The following DGKH variants were observed in gnomAD, a reference collection of about 807,000 sequenced individuals.
DGKH encodes the protein DAG kinase eta.
In DGKH, 90 loss-of-function variants were observed where a neutral mutation model predicts 159.3. The observed-to-expected ratio is 0.57, with a 90% confidence interval of 0.48 to 0.67. The LOEUF is 0.67. DGKH is among the 30% of genes least tolerant of loss of function. The probability of loss-of-function intolerance (pLI) is 0.00; values close to 1 mark genes in which losing one functional copy is unlikely to be tolerated. For missense variants in DGKH, 1,181 were observed against 1,506.1 expected, an observed-to-expected ratio of 0.78 and a Z score of 3.57; for synonymous variants, 536 against 553.8, an observed-to-expected ratio of 0.97 and a Z score of 0.45.
At chr13:42,222,387 A>C (rs1958000748) in intron 29 of DGKH, among the ~76,000 whole-genome samples, 1 of 152,226 alleles carries the variant, frequency 6.6e-6, no homozygotes, top group African/African-American at 2.4e-5. Flanking sequence ...TTGGTAGTAT[A>C]AAGATCTTTA....
rs144627941 is a variant in DGKH, at chr13:42,221,272, T to C, written c.3451T>C (p.Trp1151Arg). The change falls in exon 29 of 30, where the codon TGG (tryptophan) becomes CGG (arginine). Residue 1151 changes from tryptophan (W) to arginine (R), a missense_variant. Physicochemically the swap from Trp to Arg is moderately radical, Grantham distance 101. This residue lies in a region of DGKH where 335 missense variants were observed against 495.2 expected (regional missense o/e 0.68). Transcript: ENST00000337343. Reference sequence around the variant, plus strand: ...GCTCTTAACTTTGGTAGTTCAGAAATGGGGCACAGAGGAAGTTGCTGCTTG... The same window carrying C: ...GCTCTTAACTTTGGTAGTTCAGAAACGGGGCACAGAGGAAGTTGCTGCTTG... ...QKTSSQPVQKWGTEEVAAWLD... is the reference protein window; with the variant it reads ...QKTSSQPVQKRGTEEVAAWLD... 369 of 1,613,334 alleles carry C rather than the reference T, an allele frequency of 2.3e-4. 2 individuals are homozygous for C. Among genetic ancestry groups the C allele is most frequent in the Admixed American group, 4.8e-4 (29 of 59,966 alleles).
chr13:42,254,879 T>C (rs1461521429), intron 30 of DGKH, among the ~76,000 whole-genome samples: 5 of 152,164 alleles, frequency 3.3e-5, no homozygotes. Context: ...TTGCCATCTT[T>C]ATGCATTTCT....
At chr13:42,042,289 T>A (rs749256238) in intron 1 of DGKH, among the ~76,000 whole-genome samples, 2 of 152,280 alleles carry the variant, frequency 1.3e-5, no homozygotes, top group Non-Finnish European at 2.9e-5. Context: ...CTGCATACTT[T>A]AAGCCAACAC....
intron 29 of DGKH, among the ~76,000 whole-genome samples, chr13:42,251,230 C>G (rs540029182): frequency 2.0e-5 from 3 of 152,238 alleles, no homozygotes; most frequent in Admixed American, 1.3e-4. Context: ...AATCTCAACA[C>G]TTCATGAGGC....
chr13:42,041,142 A>G (rs1353760333), intron 1 of DGKH, among the ~76,000 whole-genome samples: 2 of 152,120 alleles, frequency 1.3e-5, no homozygotes, highest in African/African-American at 2.4e-5. Context: ...TCCCCGAGGA[A>G]CCGCTGGCAA....
chr13:42,127,576 A>G lies in DGKH; in HGVS notation c.303+3A>G. 1 of 1,612,060 alleles carries G rather than the reference A, an allele frequency of 6.2e-7. No homozygotes were observed. The highest frequency in any genetic ancestry group is 1.1e-5 in the South Asian group (1 of 90,908). ...TTTACTATGCAAAGGACTCAAAGGT[A>G]ACTCACGAGAATACTAGTTTCAAGC... is the stretch of plus-strand genomic sequence containing the variant. On this transcript the variant is annotated splice_donor_region_variant and intron_variant, in intron 2 of 29. Coordinates refer to ENST00000337343, the MANE Select transcript of DGKH (RefSeq NM_178009.5).
At chr13:42,081,764 C>T (rs1954205488) in intron 1 of DGKH, among the ~76,000 whole-genome samples, 1 of 152,148 alleles carries the variant, frequency 6.6e-6, no homozygotes, top group Non-Finnish European at 1.5e-5. Flanking sequence ...GTTCATCTTG[C>T]TCTCTCTTTG....
chr13:42,119,817 C>T (rs1007849633), intron 1 of DGKH, among the ~76,000 whole-genome samples: 3 of 152,176 alleles, frequency 2.0e-5, no homozygotes, highest in Non-Finnish European at 4.4e-5. Context: ...ATTCCTTTCT[C>T]ATCAAGTTAA....
At chr13:42,070,918 A>G in intron 1 of DGKH, 1 of 1,266,578 alleles carries the variant, frequency 7.9e-7, no homozygotes, top group Admixed American at 1.7e-5. Context: ...AGCATGTTTG[A>G]CACTCTGGGG....
At chr13:42,135,116 A>AT (rs1262750276) in intron 3 of DGKH, among the ~76,000 whole-genome samples, 2 of 152,168 alleles carry the variant, frequency 1.3e-5, no homozygotes, top group Non-Finnish European at 2.9e-5. Context: ...CAATGAAAGT[A>AT]TTTTTTTGTG....
chr13:42,167,997 G>C (rs943880191), intron 9 of DGKH, among the ~76,000 whole-genome samples: 18 of 152,164 alleles, frequency 1.2e-4, no homozygotes, highest in African/African-American at 4.3e-4. Flanking sequence ...CCAGTTGGGA[G>C]TCCTGAGAGC....
intron 1 of DGKH, chr13:42,066,473 T>C (rs1185462137): frequency 6.6e-6 from 1 of 152,204 alleles, no homozygotes; most frequent in Non-Finnish European, 1.5e-5. Flanking sequence ...TATTTTCACA[T>C]AACAAAAAAC....
intron 26 of DGKH, among the ~76,000 whole-genome samples, chr13:42,217,088 T>C (rs953128035): frequency 6.6e-6 from 1 of 152,248 alleles, no homozygotes; most frequent in African/African-American, 2.4e-5. Flanking sequence ...ACCAAAACTT[T>C]TGACAATAGT....
At chr13:42,040,987 TC>T (rs1265949133) in intron 1 of DGKH, among the ~76,000 whole-genome samples, 1 of 148,912 alleles carries the variant, frequency 6.7e-6, no homozygotes, top group African/African-American at 2.5e-5. Flanking sequence ...TCTCCTTTGC[TC>T]CCCCCGCCCG....
downstream of DGKH, among the ~76,000 whole-genome samples, chr13:42,245,478 G>C (rs1958573654): frequency 6.6e-6 from 1 of 152,158 alleles, no homozygotes; most frequent in Non-Finnish European, 1.5e-5. Flanking sequence ...CATATGTAAA[G>C]GCAAAATATG....
chr13:42,255,286 T>C (rs1389658727), intron 30 of DGKH, among the ~76,000 whole-genome samples: 1 of 152,124 alleles, frequency 6.6e-6, no homozygotes, highest in Non-Finnish European at 1.5e-5. Flanking sequence ...TGGAGATTTT[T>C]TTTAATTGAA....
chr13:42,159,707 A>G lies in DGKH; in HGVS notation c.730-304A>G, dbSNP rs183218948. Reference sequence around the variant, plus strand: ...CTCTCAACAGTATACCTCCACTTTCAAAACCTCACCTCCACTGCACCATGC... The same window carrying G: ...CTCTCAACAGTATACCTCCACTTTCGAAACCTCACCTCCACTGCACCATGC... On this transcript the variant is annotated intron_variant, in intron 6 of 29. Coordinates refer to ENST00000337343, the MANE Select transcript of DGKH (RefSeq NM_178009.5). Among the ~76,000 whole-genome samples, 3 of 152,274 alleles carry G rather than the reference A, an allele frequency of 2.0e-5. No individual in the cohort carries two copies. In the East Asian group the frequency reaches 5.8e-4, roughly 29 times the overall value.
intron 21 of DGKH, among the ~76,000 whole-genome samples, chr13:42,207,125 CCT>C (rs1566192534): frequency 0.049 from 1,439 of 29,512 alleles, 146 homozygotes; most frequent in South Asian, 0.068. Flanking sequence ...CTTTCTCTCT[CCT>C]TCCTTCCTTC....
chr13:42,157,871 C>T (rs560839572), intron 5 of DGKH, among the ~76,000 whole-genome samples: 1 of 152,132 alleles, frequency 6.6e-6, no homozygotes, highest in Admixed American at 6.5e-5. Flanking sequence ...ATTCTTATGT[C>T]TCATAAGAAT....
Sources: allele counts gnomAD v4.1 joint callset (sites outside exome capture counted in the v4.1 genomes callset), GRCh38; gene constraint gnomAD v4.1.1; regional missense constraint gnomAD v4.1.1; transcripts MANE v1.5; gene names NCBI Gene and HGNC (gene_info 2026-07-23, HGNC 2026-07-21).